Variants in PCBP3 observed in about 807,000 individuals in gnomAD.
The protein encoded by PCBP3 is poly(rC)-binding protein 3.
In PCBP3, 25 loss-of-function variants were observed where a neutral mutation model predicts 52.7. The ratio of observed to expected loss-of-function variants is 0.47; its 90% CI spans 0.35 to 0.66. The LOEUF (loss-of-function observed/expected upper bound fraction) is 0.66. PCBP3 is among the 30% of genes least tolerant of loss of function. PCBP3 has a pLI of 0.01. For synonymous variants in PCBP3, 162 were observed against 183.0 expected, an observed-to-expected ratio of 0.89 and a Z score of 0.93; for missense variants, 391 against 490.3, an observed-to-expected ratio of 0.80 and a Z score of 1.91.
intron 2 of PCBP3, among the ~76,000 whole-genome samples, chr21:45,729,651 A>G (rs1477384147): frequency 2.0e-5 from 3 of 152,036 alleles, no homozygotes; most frequent in African/African-American, 7.3e-5. Context: ...TTGTGTCTGT[A>G]TAATGTTCTA....
At chr21:45,742,831 T>C (rs1166439046) in intron 3 of PCBP3, among the ~76,000 whole-genome samples, 3 of 152,214 alleles carry the variant, frequency 2.0e-5, no homozygotes, top group Admixed American at 6.5e-5. Flanking sequence ...TTAATTATTT[T>C]AGTTTCACGA....
chr21:45,776,272 T>A (rs1279543476), intron 4 of PCBP3, among the ~76,000 whole-genome samples: 1 of 152,204 alleles, frequency 6.6e-6, no homozygotes, highest in African/African-American at 2.4e-5. Context: ...AAATGAATAT[T>A]CTGAAGTTGT....
chr21:45,899,801 G>A (rs1906244063), intron 7 of PCBP3, among the ~76,000 whole-genome samples, 179 bp downstream of exon 7: 1 of 152,182 alleles, frequency 6.6e-6, no homozygotes, highest in Admixed American at 6.5e-5. Flanking sequence ...TGACATTGAA[G>A]CTGGTCCCTG....
At position 45,940,039 on chromosome 21, in the gene PCBP3, T is replaced by C. The variant is rs894797074; in HGVS notation, c.919T>C (p.Cys307Arg). The stretch of plus-strand genomic sequence containing the variant: ...CCGTCCTTGTTTCTAGCTAATAGGC[T>C]GCATAATTGGACGCCAAGGGACCAA... ...ELTIPNDLIG[C>R]IIGRQGTKIN... is the part of the protein sequence containing the mutation. Residue 307 changes from cysteine to arginine, a missense_variant, in exon 17 of 18, where the codon TGC (cysteine) becomes CGC (arginine). Coordinates refer to ENST00000681687, the MANE Select transcript of PCBP3 (RefSeq NM_001384156.1). 2 of 1,613,940 alleles carry C rather than the reference T, an allele frequency of 1.2e-6. No individual in the cohort carries two copies. Among genetic ancestry groups the C allele is most frequent in the Non-Finnish European group, 1.7e-6 (2 of 1,179,852 alleles).
At chr21:45,659,074 C>T (rs1296689927) in intron 1 of PCBP3, among the ~76,000 whole-genome samples, 1 of 145,276 alleles carries the variant, frequency 6.9e-6, no homozygotes, top group Non-Finnish European at 1.5e-5. Flanking sequence ...TTGTCAGTTT[C>T]ATTGGTCTTT....
rs1269690149 is a variant in PCBP3, at chr21:45,741,946, G to C, written c.-162+6517G>C. On this transcript the variant is annotated intron_variant, in intron 3 of 17. Coordinates refer to ENST00000681687, the MANE Select transcript of PCBP3 (RefSeq NM_001384156.1). This position sits in a 1 kb window ranked among gnomAD's most constrained non-coding sequence, Gnocchi z 4.5. ...GGGGAAATTCCAGTCCAGACTGTCT[G>C]CCTCAGGCATTCAGTACACACTTTC... Among the ~76,000 whole-genome samples the C allele has an allele frequency of 6.6e-6, 1 of 152,178 alleles. No individual in the cohort carries two copies. The highest frequency in any genetic ancestry group is 1.5e-5 in the Non-Finnish European group (1 of 68,038).
At chr21:45,693,583 A>G (rs1363041180) in intron 2 of PCBP3, among the ~76,000 whole-genome samples, 1 of 152,160 alleles carries the variant, frequency 6.6e-6, no homozygotes. Flanking sequence ...AAATTTGATG[A>G]GAACAAATAT....
At chr21:45,822,021 T>C (rs1004101053) in intron 4 of PCBP3, among the ~76,000 whole-genome samples, 2 of 152,226 alleles carry the variant, frequency 1.3e-5, no homozygotes, top group Non-Finnish European at 2.9e-5. Flanking sequence ...TTCCACATGC[T>C]CATCCTCTGG....
chr21:45,875,655 G>C (rs903798470), intron 5 of PCBP3, among the ~76,000 whole-genome samples: 1 of 152,212 alleles, frequency 6.6e-6, no homozygotes, highest in Non-Finnish European at 1.5e-5. Flanking sequence ...TCCCTGTCCA[G>C]GGCGAGAGCA....
intron 4 of PCBP3, among the ~76,000 whole-genome samples, chr21:45,759,448 C>T (rs1299858993): frequency 2.0e-5 from 3 of 152,174 alleles, no homozygotes; most frequent in African/African-American, 7.2e-5. Flanking sequence ...TCAAATATCA[C>T]CTCTGCCGCA....
At chr21:45,898,578 A>G (rs146103724) in intron 6 of PCBP3, among the ~76,000 whole-genome samples, 15,621 of 84,574 alleles carry the variant, frequency 0.18, 1,668 homozygotes, top group East Asian at 0.44. Flanking sequence ...CCATCCTCAC[A>G]GCCTCCCTCT....
chr21:45,935,095 G>A lies in PCBP3; in HGVS notation c.857-158G>A, dbSNP rs568981712. Among the ~76,000 whole-genome samples, 174 of 152,352 alleles carry A rather than the reference G, an allele frequency of 1.1e-3. 1 individual carries two copies. The highest frequency in any genetic ancestry group is 3.8e-3 in the African/African-American group (158 of 41,596). On this transcript the variant is annotated intron_variant, in intron 15 of 17. Coordinates refer to ENST00000681687, the MANE Select transcript of PCBP3 (RefSeq NM_001384156.1). ...AATTGGGTGGCAGTTTGGGACTGAA[G>A]CTCACAGGGTCCTGGCCCTCTGGGC... is the stretch of plus-strand genomic sequence containing the variant.
chr21:45,799,573 G>A (rs547889848), intron 4 of PCBP3, among the ~76,000 whole-genome samples: 5 of 152,236 alleles, frequency 3.3e-5, no homozygotes, highest in Admixed American at 6.5e-5. Flanking sequence ...GGATAAGGGG[G>A]GAGGGCTGCA....
At chr21:45,910,364 G>A (rs1227572719) in intron 10 of PCBP3, among the ~76,000 whole-genome samples, 2 of 151,768 alleles carry the variant, frequency 1.3e-5, no homozygotes, top group African/African-American at 2.4e-5. Context: ...ACTGGGTGCT[G>A]TATCTACTCC....
chr21:45,929,948 A>G lies in PCBP3; in HGVS notation c.749A>G (p.Gln250Arg), dbSNP rs200440525. ...ACCAAGCTCCACCAGTTGGCCATGC[A>G]GCAAACCCCCTTTCCTCCCCTCGGA... ...QLTKLHQLAM[Q>R]QTPFPPLGQT... The change falls in exon 14 of 18, where the codon CAG becomes CGG. Residue 250 changes from glutamine to arginine, a missense_variant. By Grantham distance (43) the Gln-to-Arg change is conservative. Coordinates refer to ENST00000681687, the MANE Select transcript of PCBP3 (RefSeq NM_001384156.1). 4.1e-5 allele frequency: 66 copies of G among 1,613,918 alleles called. No homozygotes were observed. In the Admixed American group the frequency reaches 1.1e-3, roughly 27 times the overall value.
At chr21:45,723,635 G>A (rs1420648532) in intron 2 of PCBP3, among the ~76,000 whole-genome samples, 1 of 152,216 alleles carries the variant, frequency 6.6e-6, no homozygotes, top group Non-Finnish European at 1.5e-5. Flanking sequence ...AGATATGAAA[G>A]TGAAATGAAA....
intron 4 of PCBP3, among the ~76,000 whole-genome samples, chr21:45,784,425 C>CTG (rs2090925314): frequency 1.2e-5 from 1 of 84,470 alleles, no homozygotes; most frequent in African/African-American, 5.6e-5. Flanking sequence ...GCTACCCCTA[C>CTG]CTCCTACCTC....
At chr21:45,646,127 G>C (rs2079296699) in intron 1 of PCBP3, among the ~76,000 whole-genome samples, 1 of 143,616 alleles carries the variant, frequency 7.0e-6, no homozygotes, top group African/African-American at 2.6e-5. Context: ...GTGTGTGTGT[G>C]TGTGTGTGTG....
chr21:45,875,218 G>A (rs1225719447), intron 5 of PCBP3, among the ~76,000 whole-genome samples: 1 of 151,874 alleles, frequency 6.6e-6, no homozygotes, highest in Non-Finnish European at 1.5e-5. Flanking sequence ...CGCTCCAGCT[G>A]ACTCACCGGG....
Sources: allele counts gnomAD v4.1 joint callset (sites outside exome capture counted in the v4.1 genomes callset), GRCh38; gene constraint gnomAD v4.1.1; non-coding constraint Gnocchi (gnomAD v3.1); transcripts MANE v1.5; gene names NCBI Gene and HGNC (gene_info 2026-07-23, HGNC 2026-07-21).